Variants in PPP2R2C observed in about 807,000 individuals in gnomAD.
PPP2R2C encodes protein phosphatase 2 regulatory subunit Bgamma, also known as protein phosphatase 2, regulatory subunit B, gamma.
Under a neutral mutation model 45.3 loss-of-function variants are expected in PPP2R2C, and 10 were observed. The observed-to-expected ratio is 0.22, with a 90% CI of 0.14 to 0.37. The LOEUF (loss-of-function observed/expected upper bound fraction) is 0.37. Among genes scored for constraint, PPP2R2C ranks in the 10% least tolerant of loss-of-function variants. The pLI is 1.00. For synonymous variants in PPP2R2C, 257 were observed against 245.4 expected, an observed-to-expected ratio of 1.05 and a Z score of -0.44; for missense variants, 308 against 619.7, an observed-to-expected ratio of 0.50 and a Z score of 5.34.
chr4:6,519,425 C>T (rs1386937966), intron 2 of PPP2R2C, among the ~76,000 whole-genome samples: 1 of 152,206 alleles, frequency 6.6e-6, no homozygotes, highest in African/African-American at 2.4e-5. Flanking sequence ...CCTAAAAGTC[C>T]ACCCAGGCCC....
intron 5 of PPP2R2C, among the ~76,000 whole-genome samples, chr4:6,357,375 G>C (rs895129971): frequency 3.3e-5 from 5 of 152,222 alleles, no homozygotes; most frequent in African/African-American, 1.2e-4. Flanking sequence ...GTGTTGGCAA[G>C]TGTTTTCTGC....
At chr4:6,449,376 T>C (rs894815240) in intron 1 of PPP2R2C, among the ~76,000 whole-genome samples, 3 of 152,224 alleles carry the variant, frequency 2.0e-5, no homozygotes, top group African/African-American at 7.2e-5. Flanking sequence ...GAACTGCACT[T>C]TCACAGTGCA....
At chr4:6,419,927 T>A (rs1718851815) in intron 1 of PPP2R2C, among the ~76,000 whole-genome samples, 1 of 152,158 alleles carries the variant, frequency 6.6e-6, no homozygotes, top group South Asian at 2.1e-4. Flanking sequence ...CCCACTCGAA[T>A]CCAATATGAC....
intron 2 of PPP2R2C, among the ~76,000 whole-genome samples, chr4:6,523,792 T>C (rs1346068542): frequency 6.6e-6 from 1 of 152,234 alleles, no homozygotes; most frequent in Non-Finnish European, 1.5e-5. Flanking sequence ...TTATTCATAA[T>C]GGCCAAACAA....
intron 1 of PPP2R2C, among the ~76,000 whole-genome samples, chr4:6,559,316 G>T (rs1725501791): frequency 6.6e-6 from 1 of 152,098 alleles, no homozygotes; most frequent in South Asian, 2.1e-4. Context: ...AAGTGAGATA[G>T]AGTGTATAGT....
intron 2 of PPP2R2C, among the ~76,000 whole-genome samples, chr4:6,529,713 C>G (rs111520511): frequency 6.6e-6 from 1 of 152,228 alleles, no homozygotes; most frequent in South Asian, 2.1e-4. Context: ...CCCACTAGAC[C>G]GTGAGCCCTA....
At position 6,329,220 on chromosome 4, in the gene PPP2R2C, T is replaced by C. The variant is rs6811801; in HGVS notation, c.1052+42A>G. 34,651 of 1,578,856 alleles carry C rather than the reference T, an allele frequency of 0.022. 4,642 individuals carry two copies. The African/African-American group carries it at 0.34, about 15-fold the overall frequency. ...CCAGACCCCTGCAGGGCAGAAACCCTCCCTACGGTGAGGTGAGGTGCGGGC... is the reference window on the plus strand; with the variant it reads ...CCAGACCCCTGCAGGGCAGAAACCCCCCCTACGGTGAGGTGAGGTGCGGGC... On this transcript the variant is annotated intron_variant, in intron 8 of 8. Coordinates refer to ENST00000382599, the MANE Select transcript of PPP2R2C (RefSeq NM_020416.4). The surrounding 1 kb of genome is among the most constrained non-coding windows in gnomAD (Gnocchi z 5.8).
chr4:6,549,448 G>A (rs796107079), intron 1 of PPP2R2C, among the ~76,000 whole-genome samples: 33 of 152,348 alleles, frequency 2.2e-4, no homozygotes, highest in African/African-American at 7.9e-4. Flanking sequence ...CCTGAATAAT[G>A]ACAAAGATAC....
At chr4:6,398,294 C>T (rs1228374495) in intron 1 of PPP2R2C, among the ~76,000 whole-genome samples, 3 of 150,714 alleles carry the variant, frequency 2.0e-5, no homozygotes, top group Non-Finnish European at 3.0e-5. Flanking sequence ...GTGAAAGAAA[C>T]TGTTATGAAA....
chr4:6,473,510 C>G (rs1218659027), upstream of PPP2R2C, among the ~76,000 whole-genome samples: 1 of 152,218 alleles, frequency 6.6e-6, no homozygotes, highest in African/African-American at 2.4e-5. Context: ...CATCAGCCCT[C>G]CCTAGGAGCT....
At chr4:6,363,065 A>T (rs1384469540) in intron 5 of PPP2R2C, among the ~76,000 whole-genome samples, 1 of 152,064 alleles carries the variant, frequency 6.6e-6, no homozygotes. Context: ...GTGGGGTGGG[A>T]GGTGGAGATG....
chr4:6,338,559 C>T (rs1227415969), intron 6 of PPP2R2C, among the ~76,000 whole-genome samples: 1 of 152,154 alleles, frequency 6.6e-6, no homozygotes, highest in African/African-American at 2.4e-5. Context: ...ACGGCACCTC[C>T]TTCTGCTTGA....
intron 1 of PPP2R2C, among the ~76,000 whole-genome samples, chr4:6,457,660 C>T (rs1378242938): frequency 1.3e-5 from 2 of 152,176 alleles, no homozygotes; most frequent in African/African-American, 4.8e-5. Context: ...AGGTGTGAGC[C>T]ACAATGCCCA....
chr4:6,438,217 G>A (rs575516499), intron 1 of PPP2R2C, among the ~76,000 whole-genome samples: 11 of 152,338 alleles, frequency 7.2e-5, no homozygotes, highest in African/African-American at 2.2e-4. Context: ...AAAGTAGGTC[G>A]TATGCAATTT....
intron 1 of PPP2R2C, among the ~76,000 whole-genome samples, chr4:6,390,487 T>C (rs983160538): frequency 5.3e-5 from 8 of 152,060 alleles, no homozygotes; most frequent in Non-Finnish European, 1.0e-4. Context: ...AAGAGCTGCC[T>C]GAAAAGGGCT....
chr4:6,433,168 GT>G (rs1719714680), intron 1 of PPP2R2C, among the ~76,000 whole-genome samples: 1 of 152,142 alleles, frequency 6.6e-6, no homozygotes, highest in African/African-American at 2.4e-5. Context: ...TTGTATGTGG[GT>G]TTTTGACTGT....
intron 1 of PPP2R2C, among the ~76,000 whole-genome samples, chr4:6,410,852 TATTTATTTA>T (rs1432827662): frequency 2.1e-5 from 3 of 140,668 alleles, no homozygotes; most frequent in African/African-American, 3.0e-5. Context: ...TTTATTTATT[TATTTATTTA>T]TTTATTTATT....
intron 6 of PPP2R2C, among the ~76,000 whole-genome samples, chr4:6,337,112 GTATATATATATATATA>G (rs61657951): frequency 0.01 from 316 of 30,116 alleles, 21 homozygotes; most frequent in Admixed American, 0.085. Context: ...ATGTGTGTGT[GTATATATATATATATA>G]TATATATATA....
At chr4:6,501,945 G>T (rs990161613) in intron 2 of PPP2R2C, among the ~76,000 whole-genome samples, 1 of 152,218 alleles carries the variant, frequency 6.6e-6, no homozygotes, top group Admixed American at 6.5e-5. Context: ...GAAAGCATTT[G>T]CTGAACAAAT....
Sources: gnomAD v4.1 joint callset for allele counts (sites outside exome capture counted in the v4.1 genomes callset) on GRCh38, gnomAD v4.1.1 for gene constraint, Gnocchi (gnomAD v3.1) non-coding constraint, MANE v1.5 for transcripts, NCBI Gene and HGNC (gene_info 2026-07-23, HGNC 2026-07-21) for gene names.